The following ARB2A variants were observed in gnomAD, a reference collection of about 807,000 sequenced individuals.
ARB2A encodes the protein cotranscriptional regulator ARB2A.
At chr5:93,773,919 C>T in the ARB2A span, among the ~76,000 whole-genome samples, 1 of 152,150 alleles carries the variant, frequency 6.6e-6, no homozygotes, top group Non-Finnish European at 1.5e-5. Context: ...AGGTGTGCAC[C>T]ACCATACTTG....
the ARB2A span, among the ~76,000 whole-genome samples, chr5:93,845,452 T>C: frequency 1.3e-5 from 2 of 152,202 alleles, no homozygotes; most frequent in African/African-American, 4.8e-5. Flanking sequence ...AGTAATGGCC[T>C]ATACTAAGTG....
the ARB2A span, among the ~76,000 whole-genome samples, chr5:94,101,636 G>A: frequency 6.6e-6 from 1 of 152,074 alleles, no homozygotes; most frequent in South Asian, 2.1e-4. Context: ...TGTCTTCTGC[G>A]GGAACATGGA....
chr5:94,012,774 G>A, the ARB2A span, among the ~76,000 whole-genome samples: 1 of 152,180 alleles, frequency 6.6e-6, no homozygotes, highest in African/African-American at 2.4e-5. Context: ...TGTGCTAGGA[G>A]CCAATACTAT....
At chr5:93,659,786 G>A in the ARB2A span, among the ~76,000 whole-genome samples, 1 of 152,062 alleles carries the variant, frequency 6.6e-6, no homozygotes, top group African/African-American at 2.4e-5. Flanking sequence ...ATACATAAGA[G>A]GCTTTTTTCT....
the ARB2A span, among the ~76,000 whole-genome samples, chr5:94,028,040 T>G: frequency 2.2e-4 from 33 of 152,368 alleles, no homozygotes; most frequent in African/African-American, 7.2e-4. Context: ...CAAAGAAGTC[T>G]TCTGTGTCGA....
chr5:93,939,507 A>G, the ARB2A span, among the ~76,000 whole-genome samples: 2 of 152,134 alleles, frequency 1.3e-5, no homozygotes, highest in Non-Finnish European at 2.9e-5. Flanking sequence ...GAGTACCACT[A>G]TGAAATATGG....
the ARB2A span, among the ~76,000 whole-genome samples, chr5:93,968,682 T>C: frequency 6.6e-6 from 1 of 151,868 alleles, no homozygotes; most frequent in Non-Finnish European, 1.5e-5. Context: ...CCAAAATTAA[T>C]GACAGATAAA....
chr5:93,808,888 C>CTTATAAAAGTTTTATAAGTTAA, the ARB2A span, among the ~76,000 whole-genome samples: 6 of 151,864 alleles, frequency 4.0e-5, no homozygotes, highest in East Asian at 1.2e-3. Context: ...GTTAAAAAAT[C>CTTATAAAAGTTTTATAAGTTAA]AAAATATTTT....
the ARB2A span, among the ~76,000 whole-genome samples, chr5:93,906,367 G>T: frequency 1.3e-5 from 2 of 151,212 alleles, no homozygotes; most frequent in South Asian, 4.2e-4. Context: ...CAGAAAATTT[G>T]GTTTAAACTT....
At chr5:93,693,891 G>A in the ARB2A span, among the ~76,000 whole-genome samples, 636 of 151,998 alleles carry the variant, frequency 4.2e-3, 4 homozygotes, top group Non-Finnish European at 6.9e-3. Context: ...TTCAATAGAC[G>A]CAAATCAATA....
chr5:93,628,856 C>T, the ARB2A span, among the ~76,000 whole-genome samples: 1 of 152,348 alleles, frequency 6.6e-6, no homozygotes, highest in South Asian at 2.1e-4. Flanking sequence ...ACTACTCAAA[C>T]TTTCTGCAGA....
the ARB2A span, chr5:93,740,999 TC>T: frequency 5.0e-6 from 8 of 1,613,786 alleles, no homozygotes; most frequent in Non-Finnish European, 5.9e-6. Flanking sequence ...TCCACTTCCT[TC>T]AGCCACTTTT....
At chr5:93,947,785 C>T in the ARB2A span, among the ~76,000 whole-genome samples, 19 of 149,232 alleles carry the variant, frequency 1.3e-4, no homozygotes, top group East Asian at 4.0e-4. Flanking sequence ...TTTGTTCTTG[C>T]GATAGTTTAC....
the ARB2A span, among the ~76,000 whole-genome samples, chr5:93,672,535 C>T: frequency 6.6e-6 from 1 of 152,060 alleles, no homozygotes; most frequent in African/African-American, 2.4e-5. Flanking sequence ...GTCTCAATCT[C>T]CTGACCTTGT....
the ARB2A span, among the ~76,000 whole-genome samples, chr5:93,686,995 G>GA: frequency 6.6e-6 from 1 of 151,810 alleles, no homozygotes; most frequent in African/African-American, 2.4e-5. Context: ...CGTTGGCTTA[G>GA]AAAAAAACCT....
the ARB2A span, among the ~76,000 whole-genome samples, chr5:93,822,224 C>T: frequency 2.8e-4 from 43 of 152,270 alleles, no homozygotes; most frequent in East Asian, 8.3e-3. Flanking sequence ...GACCCTGACC[C>T]TAATAGCCTC....
chr5:93,647,926 T>G, the ARB2A span, among the ~76,000 whole-genome samples: 1 of 152,124 alleles, frequency 6.6e-6, no homozygotes, highest in East Asian at 1.9e-4. Context: ...GCGGATCATG[T>G]GAGCTCAGGA....
the ARB2A span, among the ~76,000 whole-genome samples, chr5:93,939,638 T>C: frequency 6.6e-6 from 1 of 152,084 alleles, no homozygotes; most frequent in Admixed American, 6.5e-5. Context: ...GGAGAAATAT[T>C]CATATCATTT....
chr5:93,687,111 T>C, the ARB2A span, among the ~76,000 whole-genome samples: 5 of 152,062 alleles, frequency 3.3e-5, no homozygotes, highest in Non-Finnish European at 7.4e-5. Context: ...CTCCTACTAA[T>C]CAATAAAGAA....
Sources: gnomAD v4.1 joint callset for allele counts (sites outside exome capture counted in the v4.1 genomes callset) on GRCh38, gnomAD v4.1.1 for gene constraint, MANE v1.5 for transcripts, NCBI Gene and HGNC (gene_info 2026-07-23, HGNC 2026-07-21) for gene names.